The following CLVS1 variants were observed in gnomAD, a reference collection of about 807,000 sequenced individuals.
CLVS1 encodes clavesin 1.
Under a neutral mutation model 33.1 loss-of-function variants are expected in CLVS1, and 10 were observed. The observed-to-expected ratio is 0.30, with a 90% CI of 0.19 to 0.51. The LOEUF is 0.51. Among genes scored for constraint, CLVS1 ranks in the 20% least tolerant of loss-of-function variants. The pLI, the probability that CLVS1 is intolerant of heterozygous loss-of-function variation, is 0.97. For synonymous variants in CLVS1, 163 were observed against 166.1 expected (o/e 0.98, Z 0.14); for missense variants, 343 against 433.4 (o/e 0.79, Z 1.85).
At chr8:61,353,751 C>A (rs1812571766) in intron 2 of CLVS1, among the ~76,000 whole-genome samples, 1 of 150,672 alleles carries the variant, frequency 6.6e-6, no homozygotes, top group South Asian at 2.1e-4. Context: ...GAACAAAAAT[C>A]CATGAAAGTG....
At chr8:61,087,521 C>T (rs1353127699) in intron 1 of CLVS1, among the ~76,000 whole-genome samples, 3 of 152,146 alleles carry the variant, frequency 2.0e-5, no homozygotes, top group African/African-American at 7.2e-5. Context: ...CAGGGGTTGG[C>T]TGTGGAGGGA....
At chr8:61,028,744 T>C in the CLVS1 span, among the ~76,000 whole-genome samples, 3 of 152,124 alleles carry the variant, frequency 2.0e-5, no homozygotes, top group African/African-American at 7.2e-5. Flanking sequence ...ATGCTGATGA[T>C]CCCAAGCAAA....
intron 5 of CLVS1, among the ~76,000 whole-genome samples, chr8:61,497,195 C>T (rs1415023595): frequency 6.6e-6 from 1 of 152,054 alleles, no homozygotes; most frequent in Non-Finnish European, 1.5e-5. Context: ...GAAAGACCCA[C>T]AGGACACAGA....
chr8:61,490,874 T>C (rs1804050951), intron 5 of CLVS1, among the ~76,000 whole-genome samples: 1 of 141,054 alleles, frequency 7.1e-6, no homozygotes, highest in Non-Finnish European at 1.5e-5. Flanking sequence ...AGCAGGAGAA[T>C]AGCTTGAACC....
At chr8:60,966,495 T>C in the CLVS1 span, 1 of 423,140 alleles carries the variant, frequency 2.4e-6, no homozygotes, top group African/African-American at 2.0e-5. Flanking sequence ...ATTATATATT[T>C]GCATATGCCA....
chr8:61,229,958 G>C (rs1485045545), intron 2 of CLVS1, among the ~76,000 whole-genome samples: 1 of 152,194 alleles, frequency 6.6e-6, no homozygotes, highest in East Asian at 1.9e-4. Context: ...CCTTCACCTA[G>C]AGTACTCTTA....
At chr8:61,483,539 C>G (rs1344199685) in intron 5 of CLVS1, among the ~76,000 whole-genome samples, 1 of 152,216 alleles carries the variant, frequency 6.6e-6, no homozygotes, top group East Asian at 1.9e-4. Flanking sequence ...ACCACTCCTT[C>G]TGAAACTATT....
chr8:61,261,998 G>GTGTGTA (rs1554551274), intron 2 of CLVS1, among the ~76,000 whole-genome samples: 62 of 109,034 alleles, frequency 5.7e-4, no homozygotes, highest in Non-Finnish European at 7.8e-4. Flanking sequence ...GTGTGTGTGT[G>GTGTGTA]TGTGTGTGTG....
chr8:61,353,295 G>A lies in CLVS1; in HGVS notation c.456-23310G>A, dbSNP rs1390333342. On this transcript the variant is annotated intron_variant, in intron 2 of 5. Transcript: ENST00000325897. ...TTCATCAAGATAGACTGTACCTGAA[G>A]TCATAAAGTAAACCTTAACAAATTA... 2.0e-5 allele frequency among the ~76,000 whole-genome samples: 3 copies of A among 151,976 alleles called. No individual in the cohort carries two copies. The South Asian group carries it at 6.2e-4, about 31-fold the overall frequency.
intron 3 of CLVS1, among the ~76,000 whole-genome samples, chr8:61,417,604 A>G (rs939303413): frequency 6.6e-6 from 1 of 152,234 alleles, no homozygotes; most frequent in Non-Finnish European, 1.5e-5. Context: ...ACTCCTCAGT[A>G]TATAAATTAA....
intron 3 of CLVS1, among the ~76,000 whole-genome samples, chr8:61,425,424 A>AT (rs1004466605): frequency 1.3e-5 from 2 of 149,110 alleles, no homozygotes; most frequent in Non-Finnish European, 3.0e-5. Flanking sequence ...CTCAACAGTG[A>AT]TTTTTTTAAA....
intron 1 of CLVS1, among the ~76,000 whole-genome samples, chr8:61,109,196 A>G (rs1468671182): frequency 1.3e-5 from 2 of 151,542 alleles, no homozygotes; most frequent in Non-Finnish European, 2.9e-5. Flanking sequence ...TCTTCCAGTT[A>G]CTTCTGTGTG....
At chr8:61,191,305 G>T (rs1353127904) in intron 2 of CLVS1, among the ~76,000 whole-genome samples, 1 of 152,088 alleles carries the variant, frequency 6.6e-6, no homozygotes, top group Non-Finnish European at 1.5e-5. Context: ...TGCAGAAAAG[G>T]CCTTTGACAA....
intron 2 of CLVS1, among the ~76,000 whole-genome samples, chr8:61,159,236 C>G (rs1386689294): frequency 6.6e-6 from 1 of 152,190 alleles, no homozygotes; most frequent in Non-Finnish European, 1.5e-5. Context: ...GGCAGAACCA[C>G]ATGTTTAGGA....
chr8:61,170,910 A>G (rs1585660300), intron 2 of CLVS1, among the ~76,000 whole-genome samples: 1 of 152,360 alleles, frequency 6.6e-6, no homozygotes, highest in Middle Eastern at 3.4e-3. Context: ...GTGTTTTTGA[A>G]AAGGAGTAGA....
At chr8:61,450,316 A>G (rs1014003418) in intron 3 of CLVS1, among the ~76,000 whole-genome samples, 4 of 152,214 alleles carry the variant, frequency 2.6e-5, no homozygotes, top group Non-Finnish European at 4.4e-5. Context: ...TAAAAAGCAA[A>G]AAAAACTTAT....
upstream of CLVS1, among the ~76,000 whole-genome samples, chr8:61,283,419 A>C (rs911210923): frequency 6.6e-6 from 1 of 152,200 alleles, no homozygotes. Flanking sequence ...TTGCAGAAAT[A>C]TGCTTGAGTT....
intron 2 of CLVS1, among the ~76,000 whole-genome samples, chr8:61,280,088 A>G (rs1809639936): frequency 6.6e-6 from 1 of 151,654 alleles, no homozygotes. Context: ...TTAGATGGAT[A>G]GTAAGTAACA....
At chr8:61,033,127 G>GAA in the CLVS1 span, among the ~76,000 whole-genome samples, 2 of 10,300 alleles carry the variant, frequency 1.9e-4, no homozygotes, top group African/African-American at 6.2e-4. Flanking sequence ...AGGAAGAAAG[G>GAA]AAAGAAAGAA....
Sources: allele counts gnomAD v4.1 joint callset (sites outside exome capture counted in the v4.1 genomes callset), GRCh38; gene constraint gnomAD v4.1.1; transcripts MANE v1.5; gene names NCBI Gene and HGNC (gene_info 2026-07-23, HGNC 2026-07-21).